RNF216: variants seen among roughly 807,000 people sequenced by gnomAD.
RNF216 encodes E3 ubiquitin-protein ligase RNF216.
A neutral mutation model predicts 110.8 loss-of-function variants in RNF216; 72 were observed. The observed-to-expected ratio is 0.65, with a 90% confidence interval of 0.54 to 0.79. RNF216 has a LOEUF of 0.79. Among genes scored for constraint, RNF216 ranks in the 30% least tolerant of loss-of-function variants. RNF216 has a pLI of 0.00. For synonymous variants in RNF216, 495 were observed against 407.5 expected, an observed-to-expected ratio of 1.21 and a Z score of -2.59; for missense variants, 1,342 against 1,141.2, an observed-to-expected ratio of 1.18 and a Z score of -2.54.
At chr7:5,633,949 GT>G (rs1191685875) in intron 15 of RNF216, among the ~76,000 whole-genome samples, 1 of 152,196 alleles carries the variant, frequency 6.6e-6, no homozygotes, top group African/African-American at 2.4e-5. Flanking sequence ...ACGCAGCAGG[GT>G]ATAGACAGGA....
At chr7:5,623,820 C>G (rs1786540820) in intron 16 of RNF216, among the ~76,000 whole-genome samples, 1 of 152,150 alleles carries the variant, frequency 6.6e-6, no homozygotes, top group African/African-American at 2.4e-5. Context: ...CTCAAACCCA[C>G]CCCTTGGGAC....
intron 3 of RNF216, among the ~76,000 whole-genome samples, chr7:5,746,231 T>C (rs746938392): frequency 2.0e-5 from 3 of 152,292 alleles, no homozygotes; most frequent in Admixed American, 6.5e-5. Context: ...TAGGCTGCAC[T>C]GTGAGAGAGC....
chr7:5,648,567 T>C (rs1020656747), intron 14 of RNF216, among the ~76,000 whole-genome samples: 3 of 150,404 alleles, frequency 2.0e-5, no homozygotes, highest in African/African-American at 7.3e-5. Flanking sequence ...CTACTAAAAA[T>C]ACAAAAAAAA....
rs58929486 is a variant in RNF216, at chr7:5,715,736, C to CTTTT, written c.1696-550_1696-547dup. Among the ~76,000 whole-genome samples, 315 of 113,756 alleles carry CTTTT rather than the reference C, an allele frequency of 2.8e-3. 5 individuals carry two copies. The highest frequency in any genetic ancestry group is 9.7e-3 in the African/African-American group (297 of 30,560). 74.6% of individuals were successfully genotyped at this position (113,756 alleles called of 152,430 possible). A position where few individuals can be genotyped will look rare whatever the true frequency, so the allele number is the denominator to read the frequency against. On this transcript the variant is annotated intron_variant, in intron 10 of 16. Coordinates refer to ENST00000389902, the MANE Select transcript of RNF216 (RefSeq NM_207111.4). ...CAACGGATCCAATCACCAACTCATTCTTTTTTTTTTTTTTTTTTTTTTTGA... is the reference window on the plus strand; with the variant it reads ...CAACGGATCCAATCACCAACTCATTCTTTTTTTTTTTTTTTTTTTTTTTTTTTGA...
chr7:5,748,097 C>T (rs941812111), intron 3 of RNF216, among the ~76,000 whole-genome samples: 1 of 152,184 alleles, frequency 6.6e-6, no homozygotes, highest in Admixed American at 6.5e-5. Context: ...TCAGACCCCT[C>T]CCTAACTCTG....
chr7:5,705,800 G>C (rs1446516544), intron 13 of RNF216, among the ~76,000 whole-genome samples: 2 of 150,272 alleles, frequency 1.3e-5, no homozygotes, highest in African/African-American at 2.5e-5. Context: ...ACAGCTACTC[G>C]GGAGGCTGGG....
chr7:5,643,608 C>T (rs1221881500), intron 14 of RNF216, among the ~76,000 whole-genome samples: 2 of 152,128 alleles, frequency 1.3e-5, no homozygotes, highest in East Asian at 1.9e-4. Flanking sequence ...TAAGCCATGC[C>T]CTTCAGATCT....
In RNF216 at chr7:5,712,722, G is replaced by C. The variant is rs1792790182; in HGVS notation, c.1975C>G (p.Leu659Val). ...CTCTGCCTGAGAACGAACCTGACAA[G>C]CTCGTCGGCGTAGGCTGCCGCAACC... The part of the protein sequence containing the change: ...EEVAAAYADE[L>V]VRCPSCSFPA... Residue 659 changes from leucine (L) to valine (V), a missense_variant, in exon 12 of 17, where the codon CTT becomes GTT. Transcript: ENST00000389902. 1 of 1,613,876 alleles carries C rather than the reference G, an allele frequency of 6.2e-7. No homozygotes were observed. Among genetic ancestry groups the C allele is most frequent in the African/African-American group, 1.3e-5 (1 of 74,884 alleles).
chr7:5,723,350 A>T (rs767902226), intron 8 of RNF216, among the ~76,000 whole-genome samples: 1 of 152,086 alleles, frequency 6.6e-6, no homozygotes, highest in Non-Finnish European at 1.5e-5. Flanking sequence ...CCTTTATTTT[A>T]AAAAATAAAT....
At chr7:5,749,442 C>A (rs967796112) in intron 3 of RNF216, among the ~76,000 whole-genome samples, 1 of 152,114 alleles carries the variant, frequency 6.6e-6, no homozygotes, top group Non-Finnish European at 1.5e-5. Context: ...TGAGCCACCA[C>A]GTCGGGCCTA....
At chr7:5,634,946 T>C (rs967033911) in intron 15 of RNF216, among the ~76,000 whole-genome samples, 1 of 151,870 alleles carries the variant, frequency 6.6e-6, no homozygotes, top group Non-Finnish European at 1.5e-5. Context: ...GGGGAAAGAG[T>C]CTGGCGAGGT....
In RNF216 at chr7:5,624,104, C is replaced by T. The variant is rs759265957; in HGVS notation, c.2404G>A (p.Glu802Lys). Residue 802 changes from glutamate (E) to lysine (K), a missense_variant, in exon 16 of 17, where the codon GAG becomes AAG. By Grantham distance (56) the Glu-to-Lys change is moderately conservative. Transcript: ENST00000389902. This position sits in a 1 kb window ranked among gnomAD's most constrained non-coding sequence, Gnocchi z 4.4. ...TCTTCAGCCTCCTTCTGGATTTCCT[C>T]AATAAGCTTCTCATCATCTTCCTAA... is the stretch of plus-strand genomic sequence containing the variant. Reference protein sequence around the residue: ...DPTEDDEKLIEEIQKEAEEEQ... With the variant: ...DPTEDDEKLIKEIQKEAEEEQ... The T allele has an allele frequency of 6.2e-7, 1 of 1,613,724 alleles. No homozygotes were observed. Among genetic ancestry groups the T allele is most frequent in the Admixed American group, 1.7e-5 (1 of 60,018 alleles).
chr7:5,651,938 C>T (rs1339828695), intron 14 of RNF216, among the ~76,000 whole-genome samples: 2 of 152,192 alleles, frequency 1.3e-5, no homozygotes, highest in Non-Finnish European at 2.9e-5. Flanking sequence ...TGAGCCACTG[C>T]GCCTGGCCTG....
At chr7:5,730,884 G>A in intron 5 of RNF216, 67 bp from the exon 6 acceptor site, 4 of 1,579,672 alleles carry the variant, frequency 2.5e-6, no homozygotes, top group South Asian at 2.3e-5. Context: ...TGCTTCAAAT[G>A]CAATGGTTGA....
intron 5 of RNF216, 67 bp from the exon 6 acceptor site, chr7:5,730,884 G>T (rs748708523): frequency 3.5e-4 from 551 of 1,579,552 alleles, no homozygotes; most frequent in Non-Finnish European, 4.6e-4. Flanking sequence ...TGCTTCAAAT[G>T]CAATGGTTGA....
At chr7:5,711,903 C>A (rs1327536093) in intron 12 of RNF216, 64 bp from the exon 13 acceptor site, 2 of 1,417,602 alleles carry the variant, frequency 1.4e-6, no homozygotes, top group South Asian at 2.4e-5. Context: ...GTTCCAGCTC[C>A]ATGTGGCTGT....
At chr7:5,666,785 T>C (rs1450021567) in intron 13 of RNF216, 1 of 151,738 alleles carries the variant, frequency 6.6e-6, no homozygotes, top group Non-Finnish European at 1.5e-5. Context: ...ACAATACAGG[T>C]TGTGGAACCG....
intron 13 of RNF216, chr7:5,666,554 C>G (rs1789538474): frequency 1.3e-5 from 2 of 152,416 alleles, no homozygotes; most frequent in Middle Eastern, 3.4e-3. Context: ...TAAACAGATG[C>G]TGAAGAAGAG....
At chr7:5,692,691 A>G (rs181577485) in intron 13 of RNF216, among the ~76,000 whole-genome samples, 5 of 152,354 alleles carry the variant, frequency 3.3e-5, no homozygotes, top group South Asian at 2.1e-4. Context: ...AGGTGGTAAA[A>G]TAAGCCTTCC....
Sources: gnomAD v4.1 joint callset for allele counts (sites outside exome capture counted in the v4.1 genomes callset) on GRCh38, gnomAD v4.1.1 for gene constraint, Gnocchi (gnomAD v3.1) non-coding constraint, MANE v1.5 for transcripts, NCBI Gene and HGNC (gene_info 2026-07-23, HGNC 2026-07-21) for gene names.